The following ADGRL3 variants were observed in gnomAD, a reference collection of about 807,000 sequenced individuals.
ADGRL3 encodes the protein adhesion G protein-coupled receptor L3, also known as calcium-independent alpha-latrotoxin receptor 3.
A neutral mutation model predicts 153.5 loss-of-function variants in ADGRL3; 62 were observed. That is an observed-to-expected ratio of 0.40 (90% CI 0.33 to 0.50). The LOEUF is 0.50. Among genes scored for constraint, ADGRL3 ranks in the 20% least tolerant of loss-of-function variants. The pLI, the probability that ADGRL3 is intolerant of heterozygous loss-of-function variation, is 0.47. For missense variants in ADGRL3, 1,641 were observed against 1,859.4 expected (o/e 0.88, Z 2.16); for synonymous variants, 710 against 672.5 (o/e 1.06, Z -0.86).
chr4:61,638,531 G>T (rs931369845), intron 5 of ADGRL3, among the ~76,000 whole-genome samples: 35 of 152,136 alleles, frequency 2.3e-4, no homozygotes, highest in African/African-American at 7.5e-4. Flanking sequence ...TAGTTATTCT[G>T]GCATACAGTC....
chr4:61,713,669 C>A (rs1217430288), intron 6 of ADGRL3, among the ~76,000 whole-genome samples: 1 of 151,860 alleles, frequency 6.6e-6, no homozygotes, highest in Non-Finnish European at 1.5e-5. Context: ...TTTCAAAGTT[C>A]CTTGCTAAGA....
chr4:61,648,461 C>T (rs2094125873), intron 5 of ADGRL3, among the ~76,000 whole-genome samples: 1 of 149,110 alleles, frequency 6.7e-6, no homozygotes, highest in African/African-American at 2.5e-5. Flanking sequence ...TTAATCAAGT[C>T]CAGGATTTAT....
chr4:61,819,888 T>G (rs2097731648), intron 9 of ADGRL3, among the ~76,000 whole-genome samples: 2 of 152,160 alleles, frequency 1.3e-5, no homozygotes, highest in Non-Finnish European at 1.5e-5. Flanking sequence ...TTTAAAACTC[T>G]ATTTTGAAAA....
At chr4:61,512,481 T>G (rs1326067457) in intron 3 of ADGRL3, among the ~76,000 whole-genome samples, 5 of 152,136 alleles carry the variant, frequency 3.3e-5, no homozygotes, top group African/African-American at 1.2e-4. Flanking sequence ...TTTATAGATC[T>G]ATGATTTAAA....
intron 1 of ADGRL3, among the ~76,000 whole-genome samples, chr4:61,280,289 T>C (rs943700562): frequency 9.2e-5 from 14 of 151,820 alleles, no homozygotes; most frequent in African/African-American, 3.4e-4. Context: ...TTTGTATTTT[T>C]AGTAGAGACG....
chr4:61,954,678 A>G (rs2098959620), intron 17 of ADGRL3, among the ~76,000 whole-genome samples: 1 of 151,918 alleles, frequency 6.6e-6, no homozygotes, highest in South Asian at 2.1e-4. Context: ...AAAACATCAG[A>G]TGTGTCCTAG....
At chr4:61,515,381 G>A (rs1483210524) in intron 3 of ADGRL3, among the ~76,000 whole-genome samples, 1 of 151,932 alleles carries the variant, frequency 6.6e-6, no homozygotes, top group African/African-American at 2.4e-5. Context: ...CCCAAATGAA[G>A]TAACCTTTAC....
At chr4:61,205,862 G>T (rs1736901032) in intron 1 of ADGRL3, among the ~76,000 whole-genome samples, 1 of 152,210 alleles carries the variant, frequency 6.6e-6, no homozygotes, top group African/African-American at 2.4e-5. Flanking sequence ...TGCATCTAAG[G>T]TGTGCAAGTT....
intron 1 of ADGRL3, among the ~76,000 whole-genome samples, chr4:61,267,471 CA>C (rs1228699666): frequency 6.6e-6 from 1 of 151,706 alleles, no homozygotes; most frequent in Non-Finnish European, 1.5e-5. Context: ...GTTGAGGAAG[CA>C]CAGATGGATT....
chr4:61,482,079 A>C (rs1480249777), intron 2 of ADGRL3, among the ~76,000 whole-genome samples: 1 of 152,218 alleles, frequency 6.6e-6, no homozygotes, highest in Admixed American at 6.5e-5. Flanking sequence ...TTGTTTTAAC[A>C]ATCACAGACT....
intron 1 of ADGRL3, among the ~76,000 whole-genome samples, chr4:61,317,165 T>G (rs981624329): frequency 4.6e-5 from 7 of 152,174 alleles, no homozygotes; most frequent in Non-Finnish European, 1.5e-5. Context: ...TTGGTCACTT[T>G]TGTGTGATTA....
At chr4:61,597,496 G>C (rs936025379) in intron 5 of ADGRL3, among the ~76,000 whole-genome samples, 2 of 151,928 alleles carry the variant, frequency 1.3e-5, no homozygotes, top group African/African-American at 2.4e-5. Context: ...TGTTCTCCTG[G>C]AGATTTGAAT....
rs1560517497 is a variant in ADGRL3, at chr4:61,360,413, TG to T, written c.-239-22710del. Among the ~76,000 whole-genome samples, 5 of 152,152 alleles carry T rather than the reference TG, an allele frequency of 3.3e-5. No homozygotes were observed. The East Asian group carries it at 9.6e-4, about 29-fold the overall frequency. The stretch of plus-strand genomic sequence containing the variant: ...TGAGAAATGTCCATCTTTAAGTGTA[TG>T]TCAGACAGCACTGACCAAATAGTTT... On this transcript the variant is annotated intron_variant, in intron 1 of 26. Coordinates refer to ENST00000683033, the MANE Select transcript of ADGRL3 (RefSeq NM_001387552.1).
chr4:62,072,316 A>G lies in ADGRL3; in HGVS notation c.*1408A>G, dbSNP rs1207766341. 1 of 152,596 alleles carries G rather than the reference A, an allele frequency of 6.6e-6. No homozygotes were observed. Among genetic ancestry groups the G allele is most frequent in the East Asian group, 1.9e-4 (1 of 5,188 alleles). 9.5% of individuals were successfully genotyped at this position (152,596 alleles called of 1,614,324 possible). On this transcript the variant is annotated 3_prime_UTR_variant, in exon 27 of 27. Coordinates refer to ENST00000683033, the MANE Select transcript of ADGRL3 (RefSeq NM_001387552.1). ...AATACAAAAGGTAAATTAGCAGCAC[A>G]TATAATTTTTTTTTAATTTATGATC...
chr4:61,948,038 C>A, intron 16 of ADGRL3, 62 bp from the exon 17 acceptor site: 1 of 1,372,706 alleles, frequency 7.3e-7, no homozygotes, highest in Non-Finnish European at 1.0e-6. Flanking sequence ...AAAGAAAATG[C>A]CAACCTAATT....
intron 2 of ADGRL3, among the ~76,000 whole-genome samples, chr4:61,419,542 C>T (rs2097178664): frequency 6.6e-6 from 1 of 151,992 alleles, no homozygotes. Context: ...TGTAAACATA[C>T]TTAATTTGGG....
At chr4:61,225,408 T>C (rs1747486794) in intron 1 of ADGRL3, among the ~76,000 whole-genome samples, 1 of 152,188 alleles carries the variant, frequency 6.6e-6, no homozygotes, top group African/African-American at 2.4e-5. Context: ...TGTGCCAATA[T>C]ATAACCTTTC....
At chr4:61,875,808 G>A (rs2098471665) in intron 9 of ADGRL3, among the ~76,000 whole-genome samples, 1 of 152,164 alleles carries the variant, frequency 6.6e-6, no homozygotes, top group African/African-American at 2.4e-5. Flanking sequence ...GTCAACATAT[G>A]TGAGGACTGA....
chr4:61,747,063 G>C (rs1211214628), intron 8 of ADGRL3, among the ~76,000 whole-genome samples: 1 of 152,200 alleles, frequency 6.6e-6, no homozygotes, highest in Non-Finnish European at 1.5e-5. Flanking sequence ...ACTACCATCA[G>C]AGAATACTGC....
Sources: gnomAD v4.1 joint callset for allele counts (sites outside exome capture counted in the v4.1 genomes callset) on GRCh38, gnomAD v4.1.1 for gene constraint, MANE v1.5 for transcripts, NCBI Gene and HGNC (gene_info 2026-07-23, HGNC 2026-07-21) for gene names.